The following ADTRP variants were observed in gnomAD, a reference collection of about 807,000 sequenced individuals.
ADTRP encodes the protein androgen dependent TFPI regulating protein, also known as androgen-dependent TFPI-regulating protein.
Under a neutral mutation model 27.0 loss-of-function variants are expected in ADTRP, and 20 were observed. The observed-to-expected ratio is 0.74, with a 90% CI of 0.52 to 1.08. ADTRP has a LOEUF of 1.08. Among genes scored for constraint, ADTRP ranks in the 50% least tolerant of loss-of-function variants. The pLI is 0.00. For missense variants in ADTRP, 251 were observed against 275.0 expected (o/e 0.91, Z 0.62); for synonymous variants, 101 against 105.2 (o/e 0.96, Z 0.25).
chr6:11,734,764 T>G (rs1228755531), intron 4 of ADTRP, among the ~76,000 whole-genome samples: 1 of 152,176 alleles, frequency 6.6e-6, no homozygotes, highest in East Asian at 1.9e-4. Context: ...TGAACTAAAC[T>G]TCCCCGCATA....
At chr6:11,738,254 G>T (rs889571267) in intron 3 of ADTRP, among the ~76,000 whole-genome samples, 1 of 152,172 alleles carries the variant, frequency 6.6e-6, no homozygotes, top group Non-Finnish European at 1.5e-5. Flanking sequence ...CTGGCCTGTG[G>T]TCTGCAAGAG....
chr6:11,759,502 T>A (rs997885611), intron 3 of ADTRP, among the ~76,000 whole-genome samples: 1 of 152,182 alleles, frequency 6.6e-6, no homozygotes, highest in Non-Finnish European at 1.5e-5. Flanking sequence ...AAAACTTTTT[T>A]TTTTAAAAAA....
intron 5 of ADTRP, among the ~76,000 whole-genome samples, chr6:11,716,383 G>A (rs1257841480): frequency 1.3e-5 from 2 of 152,178 alleles, no homozygotes; most frequent in East Asian, 3.9e-4. Context: ...ATGAAGCTCT[G>A]CTGGGGGAGG....
chr6:11,751,177 A>AT (rs1411295755), intron 3 of ADTRP, among the ~76,000 whole-genome samples: 2 of 152,194 alleles, frequency 1.3e-5, no homozygotes, highest in Non-Finnish European at 2.9e-5. Flanking sequence ...GGAATTAGTG[A>AT]TTAGTTGCAT....
At chr6:11,732,832 C>T (rs116395910) in intron 4 of ADTRP, among the ~76,000 whole-genome samples, 4,205 of 152,296 alleles carry the variant, frequency 0.028, 189 homozygotes, top group African/African-American at 0.095. Flanking sequence ...GGGAACAACA[C>T]GTGAAAGATT....
At chr6:11,734,383 T>G (rs1455995387) in intron 4 of ADTRP, among the ~76,000 whole-genome samples, 1 of 152,236 alleles carries the variant, frequency 6.6e-6, no homozygotes, top group African/African-American at 2.4e-5. Context: ...CAACTATCAG[T>G]AGGACCCAAG....
intron 3 of ADTRP, among the ~76,000 whole-genome samples, chr6:11,754,719 G>C (rs1763159589): frequency 6.6e-6 from 1 of 152,190 alleles, no homozygotes; most frequent in Non-Finnish European, 1.5e-5. Context: ...TGTGGGGGCT[G>C]GTTGAGAACC....
chr6:11,770,611 A>C (rs931445605), intron 1 of ADTRP, among the ~76,000 whole-genome samples: 1 of 152,148 alleles, frequency 6.6e-6, no homozygotes, highest in Admixed American at 6.5e-5. Flanking sequence ...CTTTCGAACC[A>C]GAAAGGGGTG....
chr6:11,777,732 C>T (rs772358920), intron 1 of ADTRP, among the ~76,000 whole-genome samples: 8 of 152,116 alleles, frequency 5.3e-5, no homozygotes, highest in Non-Finnish European at 1.2e-4. Flanking sequence ...ATTTCCACGT[C>T]CTTAGCATTT....
At chr6:11,778,347 A>G (rs1764026957) in intron 1 of ADTRP, among the ~76,000 whole-genome samples, 1 of 152,172 alleles carries the variant, frequency 6.6e-6, no homozygotes, top group Non-Finnish European at 1.5e-5. Flanking sequence ...TCATCTGAAA[A>G]GAGCTCCAAG....
intron 4 of ADTRP, among the ~76,000 whole-genome samples, chr6:11,727,701 T>A (rs1014444822): frequency 6.6e-6 from 1 of 152,178 alleles, no homozygotes; most frequent in Admixed American, 6.5e-5. Flanking sequence ...AATTGTGTAC[T>A]TTCACAGATA....
intron 3 of ADTRP, among the ~76,000 whole-genome samples, chr6:11,746,190 A>C (rs1000099334): frequency 3.9e-5 from 6 of 152,156 alleles, no homozygotes; most frequent in African/African-American, 1.4e-4. Context: ...TAGCATAGTA[A>C]ATTTATGAGT....
chr6:11,715,912 A>C lies in ADTRP; in HGVS notation c.659-1400T>G, dbSNP rs1019169949. ...TGAACTCCTGGCCTCACCACAAGGG[A>C]TCCTCCCATCTCAGCCTCCCAAAGT... On this transcript the variant is annotated intron_variant, in intron 5 of 5. Transcript: ENST00000414691. 4.9e-5 allele frequency among the ~76,000 whole-genome samples: 7 copies of C among 141,542 alleles called. 1 individual carries two copies. Among genetic ancestry groups the C allele is most frequent in the Non-Finnish European group, 1.0e-4 (7 of 67,178 alleles). The allele number at this position is 141,542 out of a possible 152,430, so 92.9% of individuals were successfully genotyped here. A position where few individuals can be genotyped will look rare whatever the true frequency, so the allele number is the denominator to read the frequency against.
intron 3 of ADTRP, chr6:11,755,071 G>A (rs891198525): frequency 2.5e-5 from 25 of 985,206 alleles, no homozygotes; most frequent in Middle Eastern, 5.2e-4. Context: ...CATTCTTCCC[G>A]TTGGGGTGTT....
intron 3 of ADTRP, among the ~76,000 whole-genome samples, chr6:11,765,126 G>A (rs1446472063): frequency 9.8e-6 from 1 of 102,250 alleles, no homozygotes; most frequent in Admixed American, 9.9e-5. Flanking sequence ...CAAAATTTAA[G>A]CTGAAATTAG....
intron 3 of ADTRP, among the ~76,000 whole-genome samples, chr6:11,763,462 G>T (rs1763454318): frequency 6.6e-6 from 1 of 152,028 alleles, no homozygotes; most frequent in South Asian, 2.1e-4. Flanking sequence ...GCGATGGAAG[G>T]CAATTGTTCT....
At chr6:11,737,907 G>A (rs1176743093) in intron 3 of ADTRP, among the ~76,000 whole-genome samples, 1 of 152,218 alleles carries the variant, frequency 6.6e-6, no homozygotes, top group Non-Finnish European at 1.5e-5. Context: ...TTAGGCTGCA[G>A]CTTCTGTGTC....
chr6:11,716,578 A>T (rs1761832789), intron 5 of ADTRP, among the ~76,000 whole-genome samples: 1 of 152,088 alleles, frequency 6.6e-6, no homozygotes, highest in Admixed American at 6.5e-5. Context: ...AACGTTGCAA[A>T]AATCATGTTT....
At chr6:11,720,214 G>A (rs1200472869) in intron 5 of ADTRP, among the ~76,000 whole-genome samples, 4 of 152,218 alleles carry the variant, frequency 2.6e-5, no homozygotes, top group Non-Finnish European at 5.9e-5. Context: ...TCTGGCTTTG[G>A]ACAGAATACG....
Sources: allele counts gnomAD v4.1 joint callset (sites outside exome capture counted in the v4.1 genomes callset), GRCh38; gene constraint gnomAD v4.1.1; transcripts MANE v1.5; gene names NCBI Gene and HGNC (gene_info 2026-07-23, HGNC 2026-07-21).